Variants in FCHSD2 observed in about 807,000 individuals in gnomAD.
FCHSD2 encodes the protein F-BAR and double SH3 domains protein 2.
Under a neutral mutation model 108.1 loss-of-function variants are expected in FCHSD2, and 38 were observed. That is an observed-to-expected ratio of 0.35 (90% CI 0.27 to 0.46). The LOEUF (loss-of-function observed/expected upper bound fraction) is 0.46, where lower values mean the gene tolerates loss of function less well. Ranked by LOEUF, FCHSD2 falls within the 20% of genes least tolerant of loss-of-function variation. FCHSD2 has a pLI of 1.00. For missense variants in FCHSD2, 751 were observed against 897.8 expected, an observed-to-expected ratio of 0.84 and a Z score of 2.09; for synonymous variants, 279 against 314.7, an observed-to-expected ratio of 0.89 and a Z score of 1.20.
At chr11:73,076,140 T>A (rs2135505706) in intron 3 of FCHSD2, among the ~76,000 whole-genome samples, 1 of 152,120 alleles carries the variant, frequency 6.6e-6, no homozygotes, top group East Asian at 1.9e-4. Context: ...CAAAAAAATG[T>A]TAAACATAAA....
intron 8 of FCHSD2, among the ~76,000 whole-genome samples, chr11:72,931,051 AAT>A (rs147983751): frequency 1.4e-3 from 201 of 145,698 alleles, no homozygotes; most frequent in East Asian, 5.6e-3. Flanking sequence ...GTGCCTCACA[AAT>A]ATATATATAT....
chr11:73,051,123 C>A (rs968603978), intron 3 of FCHSD2, among the ~76,000 whole-genome samples: 2 of 152,164 alleles, frequency 1.3e-5, no homozygotes, highest in Non-Finnish European at 1.5e-5. Flanking sequence ...CAAGACTAGT[C>A]TGGGCTAACA....
chr11:72,899,361 T>C (rs77639079), intron 10 of FCHSD2, among the ~76,000 whole-genome samples: 24,656 of 152,110 alleles, frequency 0.16, 2,416 homozygotes, highest in Non-Finnish European at 0.23. Flanking sequence ...CCAAAGAAGA[T>C]ATATGAGTGG....
intron 9 of FCHSD2, among the ~76,000 whole-genome samples, chr11:72,918,101 A>G (rs1287603040): frequency 6.6e-6 from 1 of 152,190 alleles, no homozygotes; most frequent in African/African-American, 2.4e-5. Flanking sequence ...TTCAGTGTAC[A>G]GGCCTTTAAC....
At chr11:72,957,412 T>C (rs1401961335) in intron 8 of FCHSD2, among the ~76,000 whole-genome samples, 2 of 151,230 alleles carry the variant, frequency 1.3e-5, no homozygotes, top group African/African-American at 2.4e-5. Context: ...ATGTGCCACA[T>C]TTTCTTAATC....
intron 5 of FCHSD2, among the ~76,000 whole-genome samples, chr11:72,995,638 A>AAAC (rs1169292538): frequency 1.3e-5 from 2 of 151,498 alleles, no homozygotes; most frequent in African/African-American, 4.9e-5. Flanking sequence ...CAAGAGGTTG[A>AAAC]GGCCACAGTG....
In FCHSD2 at chr11:73,000,851, A is replaced by C. The variant is rs186525797; in HGVS notation, c.387+139T>G. The C allele has an allele frequency of 5.8e-6, 4 of 689,812 alleles. No individual in the cohort carries two copies. The African/African-American group carries it at 7.3e-5, about 13-fold the overall frequency. 42.7% of individuals were successfully genotyped at this position (689,812 alleles called of 1,614,324 possible). A position where few individuals can be genotyped will look rare whatever the true frequency, so the allele number is the denominator to read the frequency against. ...TAGTACTTAATGAGAACATGTTGAAATCAGAAAATCCTAGTAAAATGTCAA... is the reference window on the plus strand; with the variant it reads ...TAGTACTTAATGAGAACATGTTGAACTCAGAAAATCCTAGTAAAATGTCAA... On this transcript the variant is annotated intron_variant, in intron 5 of 19. Transcript: ENST00000409418.
At chr11:72,979,004 C>T (rs1448235110) in intron 8 of FCHSD2, among the ~76,000 whole-genome samples, 3 of 151,974 alleles carry the variant, frequency 2.0e-5, no homozygotes, top group African/African-American at 7.3e-5. Context: ...ACTACAAGTG[C>T]ATGCCTCCAC....
At chr11:73,137,197 G>GA (rs973268840) in intron 2 of FCHSD2, among the ~76,000 whole-genome samples, 71 of 145,462 alleles carry the variant, frequency 4.9e-4, no homozygotes, top group African/African-American at 1.5e-3. Flanking sequence ...TATTGTCTTT[G>GA]AAAAAAAAAA....
chr11:72,978,854 CTTTTTTT>C (rs1190277188), intron 8 of FCHSD2, among the ~76,000 whole-genome samples: 7 of 110,858 alleles, frequency 6.3e-5, no homozygotes, highest in East Asian at 2.7e-4. Flanking sequence ...GTAGCTCTTT[CTTTTTTT>C]TTTTTTTTTT....
intron 3 of FCHSD2, among the ~76,000 whole-genome samples, chr11:73,077,266 C>T (rs1859580946): frequency 6.6e-6 from 1 of 151,620 alleles, no homozygotes; most frequent in Admixed American, 6.6e-5. Context: ...GAACAAACAC[C>T]TCACCACAGA....
At chr11:72,983,778 G>A (rs983255804) in intron 8 of FCHSD2, 3 of 474,676 alleles carry the variant, frequency 6.3e-6, no homozygotes, top group East Asian at 1.2e-4. Flanking sequence ...CCCAGTTTGA[G>A]TCATTATTTT....
chr11:72,905,597 C>A (rs893505821), intron 9 of FCHSD2, among the ~76,000 whole-genome samples: 3 of 151,866 alleles, frequency 2.0e-5, no homozygotes, highest in Non-Finnish European at 2.9e-5. Flanking sequence ...TAGCCCCCCA[C>A]CCCCCGACAG....
At chr11:73,135,818 G>GT (rs761719662) in intron 2 of FCHSD2, among the ~76,000 whole-genome samples, 17 of 152,144 alleles carry the variant, frequency 1.1e-4, no homozygotes, top group Non-Finnish European at 2.1e-4. Context: ...GAGAAAAACT[G>GT]TATCATAATT....
chr11:72,882,434 T>C (rs933462475), intron 12 of FCHSD2, among the ~76,000 whole-genome samples: 3 of 151,242 alleles, frequency 2.0e-5, no homozygotes, highest in Admixed American at 6.6e-5. Context: ...AGAAGAGAGA[T>C]TGGGGAATAG....
At chr11:73,040,116 C>A (rs997793922) in intron 3 of FCHSD2, among the ~76,000 whole-genome samples, 1 of 151,996 alleles carries the variant, frequency 6.6e-6, no homozygotes, top group Non-Finnish European at 1.5e-5. Context: ...TGTGGATAAC[C>A]AGATAATGTT....
In FCHSD2 at chr11:72,842,736, T is replaced by C; in HGVS notation, c.1811A>G (p.Asp604Gly). 1.9e-6 allele frequency: 3 copies of C among 1,614,010 alleles called. No individual in the cohort carries two copies. The highest frequency in any genetic ancestry group is 2.5e-6 in the Non-Finnish European group (3 of 1,179,876). ...GAATTCCCCTTCCCAGAAGCCATCATCATCTTGGTTTTCTTTGTTCAAGAT... is the reference window on the plus strand; with the variant it reads ...GAATTCCCCTTCCCAGAAGCCATCACCATCTTGGTTTTCTTTGTTCAAGAT... ...IRILNKENQD[D>G]DGFWEGEFNG... Residue 604 changes from aspartate to glycine, a missense_variant, in exon 17 of 20, where the codon GAT becomes GGT. Asp to Gly is a moderately conservative substitution (Grantham distance 94). Transcript: ENST00000409418.
At chr11:72,958,529 C>A (rs1167963751) in intron 8 of FCHSD2, among the ~76,000 whole-genome samples, 1 of 152,084 alleles carries the variant, frequency 6.6e-6, no homozygotes, top group Non-Finnish European at 1.5e-5. Flanking sequence ...AAAAACAAAA[C>A]AAAACAAAAC....
intron 2 of FCHSD2, among the ~76,000 whole-genome samples, chr11:73,096,986 G>GTTTTTTTTTT (rs1400831147): frequency 6.2e-4 from 12 of 19,462 alleles, no homozygotes; most frequent in Admixed American, 1.6e-3. Flanking sequence ...TTCATTGATG[G>GTTTTTTTTTT]ATTTTTTTTT....
Sources: allele counts gnomAD v4.1 joint callset (sites outside exome capture counted in the v4.1 genomes callset), GRCh38; gene constraint gnomAD v4.1.1; transcripts MANE v1.5; gene names NCBI Gene and HGNC (gene_info 2026-07-23, HGNC 2026-07-21).